The following ADGRE5 variants were observed in gnomAD, a reference collection of about 807,000 sequenced individuals.
The protein encoded by ADGRE5 is CD97 molecule.
In ADGRE5, 72 loss-of-function variants were observed where a neutral mutation model predicts 100.3. The ratio of observed to expected loss-of-function variants is 0.72; its 90% CI spans 0.59 to 0.87. ADGRE5 has a LOEUF of 0.87. Among genes scored for constraint, ADGRE5 ranks in the 40% least tolerant of loss-of-function variants. ADGRE5 has a pLI of 0.00. For synonymous variants in ADGRE5, 439 were observed against 447.8 expected (o/e 0.98, Z 0.25); for missense variants, 959 against 1,094.7 (o/e 0.88, Z 1.75).
intron 3 of ADGRE5, among the ~76,000 whole-genome samples, chr19:14,389,444 A>C (rs1975514258): frequency 2.1e-5 from 3 of 142,182 alleles, no homozygotes. Context: ...AGGGAGGGAG[A>C]GAGATAGGCC....
chr19:14,389,348 A>AAGGGGAGGGGAAGGGGGAAGGGGGG (rs1568308958), intron 3 of ADGRE5, among the ~76,000 whole-genome samples: 5 of 23,084 alleles, frequency 2.2e-4, no homozygotes, highest in Admixed American at 6.0e-4. Context: ...AGGGGAGGGG[A>AAGGGGAGGGGAAGGGGGAAGGGGGG]AGGGGAGGGG....
rs1207867161 is a variant in ADGRE5 at position 14,406,388 on chromosome 19, T to G, written c.1879T>G (p.Phe627Val). The G allele has an allele frequency of 8.2e-6, 13 of 1,591,850 alleles. No homozygotes were observed. The highest frequency in any genetic ancestry group is 3.5e-5 in the Admixed American group (2 of 56,648). Reference protein sequence around the residue: ...GLLHYCFLAAFCWMSLEGLEL... With the variant: ...GLLHYCFLAAVCWMSLEGLEL... ...GCTGCACTACTGTTTCCTGGCCGCCTTCTGCTGGATGAGCCTCGAAGGCCT... is the reference window on the plus strand; with the variant it reads ...GCTGCACTACTGTTTCCTGGCCGCCGTCTGCTGGATGAGCCTCGAAGGCCT... The change falls in exon 15 of 20, where the codon TTC becomes GTC. Residue 627 changes from phenylalanine to valine, a missense_variant. Around this residue, in one of 6 missense-constraint regions of ADGRE5, gnomAD observed 428 missense variants for 386.2 expected, o/e 1.11. Coordinates refer to ENST00000242786, the MANE Select transcript of ADGRE5 (RefSeq NM_078481.4). The surrounding 1 kb of genome is among the most constrained non-coding windows in gnomAD (Gnocchi z 6.0).
chr19:14,390,954 T>C lies in ADGRE5; in HGVS notation c.221T>C (p.Val74Ala), dbSNP rs549169469. 9.3e-6 allele frequency: 15 copies of C among 1,614,116 alleles called. No individual in the cohort carries two copies. Among genetic ancestry groups the C allele is most frequent in the Non-Finnish European group, 1.3e-5 (15 of 1,180,036 alleles). ...DINECATPSK[V>A]SCGKFSDCWN... ...AACGAGTGTGCAACACCGTCGAAAGTGTCATGCGGAAAATTCTCGGACTGC... is the reference window on the plus strand; with the variant it reads ...AACGAGTGTGCAACACCGTCGAAAGCGTCATGCGGAAAATTCTCGGACTGC... Residue 74 changes from valine (V) to alanine (A), a missense_variant, in exon 4 of 20, where the codon GTG becomes GCG. Around this residue, in one of 6 missense-constraint regions of ADGRE5, gnomAD observed 114 missense variants for 195.7 expected, o/e 0.58. Transcript: ENST00000242786.
Position 14,407,050 on chromosome 19 carries a change from G to A in ADGRE5, c.2208-11G>A, listed in dbSNP as rs776571819. 122 of 1,613,766 alleles carry A rather than the reference G, an allele frequency of 7.6e-5. No homozygotes were observed. The highest frequency in any genetic ancestry group is 9.5e-5 in the Non-Finnish European group (112 of 1,179,960). On this transcript the variant is annotated splice_polypyrimidine_tract_variant and intron_variant, in intron 17 of 19. Transcript: ENST00000242786. The stretch of plus-strand genomic sequence containing the variant: ...AGGTGGGGGCCCACGCTGCAACCCC[G>A]CTCCTCGCAGGGCGCTGACCATCAC...
At position 14,402,602 on chromosome 19, in the gene ADGRE5, G is replaced by A. The variant is rs890505833; in HGVS notation, c.1189G>A (p.Ala397Thr). The A allele has an allele frequency of 1.2e-5, 19 of 1,614,040 alleles. No homozygotes were observed. Among genetic ancestry groups the A allele is most frequent in the East Asian group, 2.2e-5 (1 of 44,882 alleles). ...CGAGTGTGTCTGTTCCCCAGGCCCC[G>A]CCGTGGCGGGCATCCTCTCCATCCA... is the stretch of plus-strand genomic sequence containing the variant. Reference protein sequence around the residue: ...VAAGAEDPGPAVAGILSIQNM... With the variant: ...VAAGAEDPGPTVAGILSIQNM... The change falls in exon 12 of 20, where the codon GCC becomes ACC. Residue 397 changes from alanine to threonine, a missense_variant. Transcript: ENST00000242786.
intron 4 of ADGRE5, among the ~76,000 whole-genome samples, chr19:14,392,446 G>A (rs1599618317): frequency 6.6e-6 from 1 of 151,954 alleles, no homozygotes; most frequent in African/African-American, 2.4e-5. Flanking sequence ...GATTACAGGC[G>A]TGAGCCACCA....
chr19:14,397,666 G>A lies in ADGRE5; in HGVS notation c.634G>A (p.Glu212Lys), dbSNP rs755380652. ...CTTCTTCCTGTCCTCAGATGTGGAC[G>A]AGTGCAGCTCCGGGCAGCATCAGTG... ...PNNTVCEDVDECSSGQHQCDS... is the reference protein window; with the variant it reads ...PNNTVCEDVDKCSSGQHQCDS... The change falls in exon 7 of 20, where the codon GAG (glutamate) becomes AAG (lysine). Residue 212 changes from glutamate (E) to lysine (K), a missense_variant. This residue lies in a region of ADGRE5 where 83 missense variants were observed against 88.8 expected (regional missense o/e 0.93). Coordinates refer to ENST00000242786, the MANE Select transcript of ADGRE5 (RefSeq NM_078481.4). The A allele has an allele frequency of 9.0e-6, 14 of 1,558,250 alleles. No homozygotes were observed. Among genetic ancestry groups the A allele is most frequent in the East Asian group, 4.5e-5 (2 of 44,344 alleles).
chr19:14,406,648 T>C lies in ADGRE5; in HGVS notation c.2049-52T>C. On this transcript the variant is annotated intron_variant, in intron 15 of 19. Transcript: ENST00000242786. This position sits in a 1 kb window ranked among gnomAD's most constrained non-coding sequence, Gnocchi z 6.0. ...ACACACAATGTCCGGCCGCCCTCCG[T>C]TCCGCTCCTGGCTTCCTGGGGCACT... 1 of 1,608,658 alleles carries C rather than the reference T, an allele frequency of 6.2e-7. No individual in the cohort carries two copies. Among genetic ancestry groups the C allele is most frequent in the Non-Finnish European group, 8.5e-7 (1 of 1,175,106 alleles).
intron 4 of ADGRE5, 84 bp from the exon 5 acceptor site, chr19:14,396,258 C>T (rs751201725): frequency 1.2e-6 from 2 of 1,611,868 alleles, no homozygotes; most frequent in East Asian, 4.5e-5. Context: ...CCAGATGCTT[C>T]CGTGCCAGGA....
rs145120962 is a variant in ADGRE5 at position 14,397,168 on chromosome 19, G to A, written c.570G>A (p.Pro190=). ...NVGSYQCRCR[P]GWQPIPGSPN... ...GCAGCTATCAGTGCCGCTGCCGCCC[G>A]GGCTGGCAACCGATTCCGGGGTCCC... is the stretch of plus-strand genomic sequence containing the variant. The change falls in exon 6 of 20, where the codon CCG becomes CCA. Residue 190 remains proline (P), a synonymous_variant. Coordinates refer to ENST00000242786, the MANE Select transcript of ADGRE5 (RefSeq NM_078481.4). The A allele has an allele frequency of 2.9e-4, 474 of 1,613,806 alleles. 4 individuals are homozygous for A. The African/African-American group carries it at 3.9e-3, about 13-fold the overall frequency.
chr19:14,393,880 T>C (rs182751255), intron 4 of ADGRE5, among the ~76,000 whole-genome samples: 1 of 152,246 alleles, frequency 6.6e-6, no homozygotes, highest in East Asian at 1.9e-4. Flanking sequence ...TCATGTGAAC[T>C]GGAAAAAGAT....
Position 14,407,945 on chromosome 19 carries a change from C to T in ADGRE5, c.2414C>T (p.Ala805Val), listed in dbSNP as rs1391638451. Residue 805 changes from alanine to valine, a missense_variant, in exon 19 of 20, where the codon GCT becomes GTT. This residue lies in a region of ADGRE5 where 428 missense variants were observed against 386.2 expected (regional missense o/e 1.11). Coordinates refer to ENST00000242786, the MANE Select transcript of ADGRE5 (RefSeq NM_078481.4). ...EEYRKWACLV[A>V]GGSKYSEFTS... ...TACCGGAAGTGGGCCTGCCTAGTTG[C>T]TGGGGGGAGCAAGTACTCAGAATTC... 6.2e-7 allele frequency: 1 copy of T among 1,614,130 alleles called. No individual in the cohort carries two copies. The highest frequency in any genetic ancestry group is 8.5e-7 in the Non-Finnish European group (1 of 1,180,014).
Position 14,406,561 on chromosome 19 carries a change from A to C in ADGRE5, c.2048+4A>C. On this transcript the variant is annotated splice_donor_region_variant and intron_variant, in intron 15 of 19. Transcript: ENST00000242786. The surrounding 1 kb of genome is among the most constrained non-coding windows in gnomAD (Gnocchi z 6.0). ...AGGGCTACGGCCGCCCCAGATAGTGAGTGCAGCGAGATGGGGCAGGAGGAA... is the reference window on the plus strand; with the variant it reads ...AGGGCTACGGCCGCCCCAGATAGTGCGTGCAGCGAGATGGGGCAGGAGGAA... 1 of 1,599,238 alleles carries C rather than the reference A, an allele frequency of 6.3e-7. No homozygotes were observed. The highest frequency in any genetic ancestry group is 8.5e-7 in the Non-Finnish European group (1 of 1,173,266).
Position 14,406,398 on chromosome 19 carries a change from T to C in ADGRE5, c.1889T>C (p.Met630Thr), listed in dbSNP as rs748180268. The C allele has an allele frequency of 2.5e-6, 4 of 1,593,368 alleles. No homozygotes were observed. Among genetic ancestry groups the C allele is most frequent in the Middle Eastern group, 3.4e-4 (2 of 5,860 alleles). ...HYCFLAAFCW[M>T]SLEGLELYFL... ...TGTTTCCTGGCCGCCTTCTGCTGGA[T>C]GAGCCTCGAAGGCCTGGAGCTCTAC... Residue 630 changes from methionine to threonine, a missense_variant, in exon 15 of 20, where the codon ATG becomes ACG. By Grantham distance (81) the Met-to-Thr change is moderately conservative (BLOSUM62 -1). Around this residue, in one of 6 missense-constraint regions of ADGRE5, gnomAD observed 428 missense variants for 386.2 expected, o/e 1.11. Transcript: ENST00000242786. This position sits in a 1 kb window ranked among gnomAD's most constrained non-coding sequence, Gnocchi z 6.0.
Position 14,402,881 on chromosome 19 carries a change from C to G in ADGRE5, c.1449+19C>G, listed in dbSNP as rs1976073062. 6.2e-7 allele frequency: 1 copy of G among 1,612,650 alleles called. No homozygotes were observed. Among genetic ancestry groups the G allele is most frequent in the Non-Finnish European group, 8.5e-7 (1 of 1,179,188 alleles). On this transcript the variant is annotated intron_variant, in intron 12 of 19. Coordinates refer to ENST00000242786, the MANE Select transcript of ADGRE5 (RefSeq NM_078481.4). ...TGCCAAGGTCTCTGCTCACTCTGCT[C>G]ACTTCCTCAAAGATAACCCAGGGCC...
intron 1 of ADGRE5, among the ~76,000 whole-genome samples, chr19:14,384,440 C>A (rs1366795150): frequency 2.0e-5 from 3 of 152,130 alleles, no homozygotes; most frequent in Admixed American, 2.0e-4. Context: ...TCATTCCTTC[C>A]CTTAGGCCCA....
chr19:14,392,773 C>A (rs533917495), intron 4 of ADGRE5, among the ~76,000 whole-genome samples: 79 of 151,806 alleles, frequency 5.2e-4, no homozygotes, highest in African/African-American at 1.8e-3. Context: ...TGTGGTGGTG[C>A]ATGCCTGTAA....
chr19:14,387,739 T>A (rs1000984103), intron 1 of ADGRE5, among the ~76,000 whole-genome samples: 4 of 150,000 alleles, frequency 2.7e-5, no homozygotes, highest in Admixed American at 6.7e-5. Context: ...AAAAAAAAAA[T>A]TATTTTTAAT....
In ADGRE5 at chr19:14,391,038, G is replaced by A. The variant is rs563017266; in HGVS notation, c.305G>A (p.Gly102Glu). 4.3e-6 allele frequency: 7 copies of A among 1,614,054 alleles called. No homozygotes were observed. Among genetic ancestry groups the A allele is most frequent in the Non-Finnish European group, 5.9e-6 (7 of 1,180,042 alleles). The part of the protein sequence containing the change: ...VCSPGYEPVS[G>E]AKTFKNESEN... ...AGCCCGGGATATGAGCCTGTTTCTG[G>A]GGCAAAAACATTCAAGAATGAGAGC... Residue 102 changes from glycine to glutamate, a missense_variant, in exon 4 of 20, where the codon GGG (glycine) becomes GAG (glutamate). Transcript: ENST00000242786.
Sources: gnomAD v4.1 joint callset for allele counts (sites outside exome capture counted in the v4.1 genomes callset) on GRCh38, gnomAD v4.1.1 for gene constraint, gnomAD v4.1.1 regional missense constraint, Gnocchi (gnomAD v3.1) non-coding constraint, MANE v1.5 for transcripts, NCBI Gene and HGNC (gene_info 2026-07-23, HGNC 2026-07-21) for gene names.